Variants in P2RX7 observed in about 807,000 individuals in gnomAD.
The protein encoded by P2RX7 is purinergic receptor P2X 7.
P2RX7 carries 62 observed loss-of-function variants against 71.6 expected under a neutral mutation model. That is an observed-to-expected ratio of 0.87 (90% CI 0.71 to 1.07). P2RX7 has a LOEUF of 1.07. Ranked by LOEUF, P2RX7 falls within the 50% of genes least tolerant of loss-of-function variation. P2RX7 has a pLI of 0.00. For missense variants in P2RX7, 686 were observed against 748.5 expected (o/e 0.92, Z 0.97); for synonymous variants, 299 against 283.3 (o/e 1.06, Z -0.56).
At chr12:121,180,761 G>A (rs113550058) in intron 12 of P2RX7, among the ~76,000 whole-genome samples, 4,699 of 151,946 alleles carry the variant, frequency 0.031, 240 homozygotes, top group African/African-American at 0.11. Flanking sequence ...TCAGGAGTTC[G>A]AGACCAACCT....
At chr12:121,160,513 C>A (rs1879458210) in intron 3 of P2RX7, among the ~76,000 whole-genome samples, 1 of 152,156 alleles carries the variant, frequency 6.6e-6, no homozygotes, top group African/African-American at 2.4e-5. Flanking sequence ...TCCCCATTCT[C>A]CCCTTCCCCT....
intron 8 of P2RX7, among the ~76,000 whole-genome samples, chr12:121,168,716 T>A (rs1357660190): frequency 3.3e-5 from 5 of 152,210 alleles, no homozygotes; most frequent in South Asian, 4.1e-4. Flanking sequence ...CCCACGTCAC[T>A]CTGACCCCAC....
chr12:121,173,510 C>T (rs1882556554), intron 8 of P2RX7, among the ~76,000 whole-genome samples: 1 of 152,088 alleles, frequency 6.6e-6, no homozygotes, highest in Non-Finnish European at 1.5e-5. Context: ...ACATACTTTT[C>T]CCAAGAGATG....
intron 7 of P2RX7, 21 bp from the exon 8 acceptor site, chr12:121,167,467 T>C: frequency 1.2e-6 from 2 of 1,613,556 alleles, no homozygotes; most frequent in Non-Finnish European, 1.7e-6. Context: ...CCATAGAGAC[T>C]GTCCCTTGTT....
At chr12:121,143,237 T>G (rs1478719339) in intron 1 of P2RX7, among the ~76,000 whole-genome samples, 1 of 138,270 alleles carries the variant, frequency 7.2e-6, no homozygotes, top group African/African-American at 2.8e-5. Flanking sequence ...AAAAAAAAAA[T>G]ACAAAAATTA....
Position 121,180,379 on chromosome 12 carries a change from A to G in P2RX7, c.1214A>G (p.Asp405Gly). 1 of 1,599,950 alleles carries G rather than the reference A, an allele frequency of 6.3e-7. No individual in the cohort carries two copies. ...ACATTAAAGTATGTGTCCTTTGTGG[A>G]TGAATCCCACATTAGGATGGTGAAC... ...KPTLKYVSFV[D>G]ESHIRMVNQQ... The change falls in exon 12 of 13, where the codon GAT becomes GGT. Residue 405 changes from aspartate (D) to glycine (G), a missense_variant. Physicochemically the swap from Asp to Gly is moderately conservative, Grantham distance 94. Transcript: ENST00000328963.
intron 5 of P2RX7, among the ~76,000 whole-genome samples, chr12:121,164,737 G>C (rs973400802): frequency 6.6e-6 from 1 of 152,046 alleles, no homozygotes; most frequent in African/African-American, 2.4e-5. Flanking sequence ...ACCCAAGATC[G>C]CGCCACTGCA....
Position 121,185,484 on chromosome 12 carries a change from A to G in P2RX7, c.*682A>G, listed in dbSNP as rs1884796853. ...CATGAATGCAAAACATTTCATTATG[A>G]GGTCAGACTAGGATAATGTCCAACT... On this transcript the variant is annotated 3_prime_UTR_variant, in exon 13 of 13. Transcript: ENST00000328963. 6.6e-6 allele frequency: 1 copy of G among 152,666 alleles called. No individual in the cohort carries two copies. The highest frequency in any genetic ancestry group is 1.5e-5 in the Non-Finnish European group (1 of 68,052). The allele number at this position is 152,666 out of a possible 1,614,324, so 9.5% of individuals were successfully genotyped here. A position where few individuals can be genotyped will look rare whatever the true frequency, so the allele number is the denominator to read the frequency against.
intron 2 of P2RX7, chr12:121,155,287 G>A (rs773475542): frequency 3.0e-5 from 40 of 1,324,532 alleles, no homozygotes; most frequent in Middle Eastern, 4.1e-4. Flanking sequence ...GATTCAGAAG[G>A]ACAGAGAACT....
rs1884984943 is a variant in P2RX7 at position 121,187,431 on chromosome 12, T to C, written c.*2629T>C. The C allele has an allele frequency of 6.6e-6, 1 of 152,250 alleles. No individual in the cohort carries two copies. Among genetic ancestry groups the C allele is most frequent in the Non-Finnish European group, 1.5e-5 (1 of 68,038 alleles). 9.4% of individuals were successfully genotyped at this position (152,250 alleles called of 1,614,324 possible). A position where few individuals can be genotyped will look rare whatever the true frequency, so the allele number is the denominator to read the frequency against. On this transcript the variant is annotated 3_prime_UTR_variant, in exon 13 of 13. Transcript: ENST00000328963. ...AAAGTGGATTACTACATATGATTTC[T>C]TTGGAGCTTACATTTCTTTACTTCA...
At chr12:121,135,963 CA>C (rs569752103) in intron 1 of P2RX7, among the ~76,000 whole-genome samples, 8 of 129,718 alleles carry the variant, frequency 6.2e-5, no homozygotes, top group Admixed American at 2.6e-4. Context: ...AAGATTGCAC[CA>C]CTGCACTCCA....
chr12:121,172,150 T>C (rs2686374), intron 8 of P2RX7, among the ~76,000 whole-genome samples: 58,370 of 151,656 alleles, frequency 0.38, 11,647 homozygotes, highest in African/African-American at 0.45. Flanking sequence ...CGTGAGCCAC[T>C]GCGCCCAGCC....
intron 5 of P2RX7, among the ~76,000 whole-genome samples, chr12:121,164,707 G>A (rs971004612): frequency 3.3e-5 from 5 of 152,106 alleles, no homozygotes; most frequent in East Asian, 1.9e-4. Flanking sequence ...GCTTGAACCC[G>A]GGAGGTGGAG....
At chr12:121,158,441 G>C (rs764683270) in intron 3 of P2RX7, among the ~76,000 whole-genome samples, 3 of 152,128 alleles carry the variant, frequency 2.0e-5, no homozygotes, top group Admixed American at 6.5e-5. Context: ...AGGTCTGTCC[G>C]CATTGTCTCT....
intron 8 of P2RX7, among the ~76,000 whole-genome samples, chr12:121,170,954 T>C (rs919580048): frequency 3.9e-5 from 6 of 152,170 alleles, no homozygotes; most frequent in Non-Finnish European, 1.5e-5. Flanking sequence ...TTCTGTTGTT[T>C]AGAAAATGAC....
chr12:121,163,347 C>T, intron 5 of P2RX7, among the ~76,000 whole-genome samples: 1 of 128,432 alleles, frequency 7.8e-6, no homozygotes, highest in Admixed American at 7.8e-5. Flanking sequence ...CACACACACA[C>T]ACACACACAC....
chr12:121,187,483 TC>T lies in P2RX7; in HGVS notation c.*2683del, dbSNP rs111878567. 6.2e-4 allele frequency: 94 copies of T among 152,364 alleles called. No homozygotes were observed. The highest frequency in any genetic ancestry group is 3.4e-3 in the Middle Eastern group (1 of 294). The allele number at this position is 152,364 out of a possible 1,614,324, so 9.4% of individuals were successfully genotyped here. ...GAATTCTATGTCACTGTTACAAGTT[TC>T]CATTCTGATGGCTTCTGGGCCTTTG... is the stretch of plus-strand genomic sequence containing the variant. On this transcript the variant is annotated 3_prime_UTR_variant, in exon 13 of 13. Coordinates refer to ENST00000328963, the MANE Select transcript of P2RX7 (RefSeq NM_002562.6).
chr12:121,162,368 C>T (rs1025916250), intron 4 of P2RX7, 56 bp from the exon 5 acceptor site: 12 of 1,603,352 alleles, frequency 7.5e-6, no homozygotes, highest in South Asian at 2.2e-5. Flanking sequence ...TCCTGGAGAA[C>T]GTCCTCTCCG....
At chr12:121,179,351 T>A (rs928955325) in intron 11 of P2RX7, among the ~76,000 whole-genome samples, 12 of 151,762 alleles carry the variant, frequency 7.9e-5, no homozygotes, top group Middle Eastern at 3.4e-3. Context: ...ATACAAAAAA[T>A]TAGCCAGGCA....
Sources: gnomAD v4.1 joint callset for allele counts (sites outside exome capture counted in the v4.1 genomes callset) on GRCh38, gnomAD v4.1.1 for gene constraint, MANE v1.5 for transcripts, NCBI Gene and HGNC (gene_info 2026-07-23, HGNC 2026-07-21) for gene names.